HS6ST3: variants seen among roughly 807,000 people sequenced by gnomAD.
HS6ST3 encodes the protein heparan sulfate 6-O-sulfotransferase 3.
Under a neutral mutation model 36.7 loss-of-function variants are expected in HS6ST3, and 12 were observed. The ratio of observed to expected loss-of-function variants is 0.33; its 90% CI spans 0.21 to 0.53. The LOEUF is 0.53. Among genes scored for constraint, HS6ST3 ranks in the 20% least tolerant of loss-of-function variants. The pLI, the probability that HS6ST3 is intolerant of heterozygous loss-of-function variation, is 0.95. For synonymous variants in HS6ST3, 240 were observed against 257.5 expected, an observed-to-expected ratio of 0.93 and a Z score of 0.65; for missense variants, 584 against 640.9, an observed-to-expected ratio of 0.91 and a Z score of 0.96.
chr13:96,105,615 A>G (rs1250947779), intron 1 of HS6ST3, among the ~76,000 whole-genome samples: 1 of 152,178 alleles, frequency 6.6e-6, no homozygotes, highest in Non-Finnish European at 1.5e-5. Flanking sequence ...GCGCCACTGC[A>G]CTCCAGCCTG....
chr13:96,242,496 G>A (rs545556834), intron 1 of HS6ST3, among the ~76,000 whole-genome samples: 1 of 152,146 alleles, frequency 6.6e-6, no homozygotes, highest in Non-Finnish European at 1.5e-5. Context: ...TGGGATTACA[G>A]GCGTGAGCCA....
At chr13:96,261,692 T>C (rs1342330049) in intron 1 of HS6ST3, among the ~76,000 whole-genome samples, 1 of 152,160 alleles carries the variant, frequency 6.6e-6, no homozygotes, top group East Asian at 1.9e-4. Context: ...ACTGAAACAG[T>C]TGAACTTTAG....
intron 1 of HS6ST3, among the ~76,000 whole-genome samples, chr13:96,288,965 G>C (rs2139397877): frequency 6.6e-6 from 1 of 151,998 alleles, no homozygotes; most frequent in Middle Eastern, 3.4e-3. Flanking sequence ...TTTATAAAGA[G>C]CCTGATTATA....
chr13:96,802,715 C>T (rs1336972898), intron 1 of HS6ST3, among the ~76,000 whole-genome samples: 7 of 152,180 alleles, frequency 4.6e-5, no homozygotes, highest in Non-Finnish European at 1.5e-5. Context: ...AATCTCTGAT[C>T]GTAACCAACA....
intron 1 of HS6ST3, among the ~76,000 whole-genome samples, chr13:96,611,853 C>G (rs527658706): frequency 1.3e-5 from 2 of 152,274 alleles, no homozygotes; most frequent in South Asian, 4.1e-4. Context: ...GCACCTTGAA[C>G]AGAACATCCA....
At chr13:96,761,218 T>C (rs1053588419) in intron 1 of HS6ST3, among the ~76,000 whole-genome samples, 1 of 151,858 alleles carries the variant, frequency 6.6e-6, no homozygotes, top group African/African-American at 2.4e-5. Context: ...TGTGAAGTGC[T>C]GGCAATTTTT....
chr13:96,238,308 C>A (rs148464062), intron 1 of HS6ST3, among the ~76,000 whole-genome samples: 2 of 152,184 alleles, frequency 1.3e-5, no homozygotes, highest in Non-Finnish European at 2.9e-5. Context: ...CAAGCCACAT[C>A]ATCCCTTACT....
chr13:96,285,337 C>T (rs2054796592), intron 1 of HS6ST3, among the ~76,000 whole-genome samples: 1 of 152,162 alleles, frequency 6.6e-6, no homozygotes, highest in Non-Finnish European at 1.5e-5. Context: ...TCCAGAGAGA[C>T]TAAAAGATAC....
At chr13:96,741,514 C>T (rs1311421435) in intron 1 of HS6ST3, among the ~76,000 whole-genome samples, 1 of 152,072 alleles carries the variant, frequency 6.6e-6, no homozygotes, top group African/African-American at 2.4e-5. Context: ...GTGCAGCTAC[C>T]TACTCCAATG....
At chr13:96,730,157 T>C (rs2138475988) in intron 1 of HS6ST3, among the ~76,000 whole-genome samples, 1 of 152,318 alleles carries the variant, frequency 6.6e-6, no homozygotes, top group Non-Finnish European at 1.5e-5. Context: ...ATTTGGAAAT[T>C]TCATTCACGC....
At chr13:96,551,525 TG>T (rs1407538989) in intron 1 of HS6ST3, among the ~76,000 whole-genome samples, 1 of 152,150 alleles carries the variant, frequency 6.6e-6, no homozygotes, top group Non-Finnish European at 1.5e-5. Flanking sequence ...AGCTTACTCT[TG>T]GGGGGTAGGT....
At chr13:96,257,239 G>T (rs2054641641) in intron 1 of HS6ST3, among the ~76,000 whole-genome samples, 1 of 152,104 alleles carries the variant, frequency 6.6e-6, no homozygotes, top group Non-Finnish European at 1.5e-5. Context: ...TACTACGCTG[G>T]CCTCAGAAGA....
intron 1 of HS6ST3, among the ~76,000 whole-genome samples, chr13:96,488,834 G>C (rs1447014756): frequency 1.3e-5 from 2 of 151,924 alleles, no homozygotes; most frequent in Middle Eastern, 3.4e-3. Flanking sequence ...CTTACTTTCA[G>C]TACCTGTGAA....
At chr13:96,516,057 C>T (rs1376033854) in intron 1 of HS6ST3, among the ~76,000 whole-genome samples, 3 of 151,402 alleles carry the variant, frequency 2.0e-5, no homozygotes, top group Admixed American at 6.6e-5. Flanking sequence ...ATGCTAACAG[C>T]ATTAACTTTT....
chr13:96,369,823 G>A (rs867771899), intron 1 of HS6ST3, among the ~76,000 whole-genome samples: 1 of 152,096 alleles, frequency 6.6e-6, no homozygotes, highest in Admixed American at 6.5e-5. Flanking sequence ...GAGAAAATTC[G>A]GAATGCCAGG....
chr13:96,611,042 T>C lies in HS6ST3; in HGVS notation c.708-221448T>C, dbSNP rs114209042. On this transcript the variant is annotated intron_variant, in intron 1 of 1. Coordinates refer to ENST00000376705, the MANE Select transcript of HS6ST3 (RefSeq NM_153456.4). ...GACCAGAGACATATCAATTCTCCTT[T>C]TCAGTGTTACCTTTCTTTTCATTTC... Among the ~76,000 whole-genome samples, 891 of 151,748 alleles carry C rather than the reference T, an allele frequency of 5.9e-3. 5 individuals are homozygous for C. The highest frequency in any genetic ancestry group is 0.02 in the African/African-American group (842 of 41,526).
intron 1 of HS6ST3, among the ~76,000 whole-genome samples, chr13:96,542,308 G>T (rs575233373): frequency 6.6e-6 from 1 of 152,168 alleles, no homozygotes; most frequent in Non-Finnish European, 1.5e-5. Context: ...ATATGGACAT[G>T]CTCCTGGTGG....
intron 1 of HS6ST3, among the ~76,000 whole-genome samples, chr13:96,611,127 T>A (rs1055013170): frequency 1.4e-4 from 21 of 149,966 alleles, no homozygotes; most frequent in South Asian, 1.0e-3. Context: ...TTTATTTTTT[T>A]AAATTTATTT....
intron 1 of HS6ST3, among the ~76,000 whole-genome samples, chr13:96,254,064 C>T (rs577952980): frequency 1.2e-3 from 186 of 152,080 alleles, no homozygotes; most frequent in African/African-American, 4.3e-3. Context: ...CCTTAATTTT[C>T]TGAATGTGTA....
Sources: allele counts gnomAD v4.1 joint callset (sites outside exome capture counted in the v4.1 genomes callset), GRCh38; gene constraint gnomAD v4.1.1; transcripts MANE v1.5; gene names NCBI Gene and HGNC (gene_info 2026-07-23, HGNC 2026-07-21).